Variants in MMP16 observed in about 807,000 individuals in gnomAD.
MMP16 encodes matrix metalloproteinase-16.
Under a neutral mutation model 67.8 loss-of-function variants are expected in MMP16, and 12 were observed. The ratio of observed to expected loss-of-function variants is 0.18; its 90% CI spans 0.11 to 0.29. MMP16 has a LOEUF of 0.29. Ranked by LOEUF, MMP16 falls within the 10% of genes least tolerant of loss-of-function variation. MMP16 has a pLI of 1.00. For synonymous variants in MMP16, 249 were observed against 255.9 expected, an observed-to-expected ratio of 0.97 and a Z score of 0.26; for missense variants, 475 against 765.7, an observed-to-expected ratio of 0.62 and a Z score of 4.48.
At chr8:88,327,043 C>G in intron 1 of MMP16, 32 bp downstream of exon 1, 1 of 1,611,926 alleles carries the variant, frequency 6.2e-7, no homozygotes. Context: ...GCCCAGGCAG[C>G]GGGGGGAGGA....
At chr8:88,297,771 T>C (rs1219811395) in intron 1 of MMP16, among the ~76,000 whole-genome samples, 4 of 152,234 alleles carry the variant, frequency 2.6e-5, no homozygotes, top group Non-Finnish European at 5.9e-5. Flanking sequence ...GTGACTTCAG[T>C]TTCCTCATCT....
intron 1 of MMP16, among the ~76,000 whole-genome samples, chr8:88,230,647 G>A (rs1809845171): frequency 6.6e-6 from 1 of 151,342 alleles, no homozygotes; most frequent in South Asian, 2.1e-4. Context: ...TACAGTGGGT[G>A]GTAGAAAGTC....
intron 8 of MMP16, among the ~76,000 whole-genome samples, chr8:88,050,401 TA>T (rs986237640): frequency 5.9e-5 from 9 of 152,246 alleles, no homozygotes; most frequent in African/African-American, 2.2e-4. Flanking sequence ...GTGATTTAAG[TA>T]ACATTAATAC....
chr8:88,291,080 C>T (rs925209726), intron 1 of MMP16, among the ~76,000 whole-genome samples: 3 of 151,818 alleles, frequency 2.0e-5, no homozygotes, highest in African/African-American at 4.8e-5. Flanking sequence ...CAAGAGTTTG[C>T]GATCAGCCTG....
rs115575942 is a variant in MMP16, at chr8:88,070,942, A to C, written c.1222+3663T>G. On this transcript the variant is annotated intron_variant, in intron 7 of 9. Coordinates refer to ENST00000286614, the MANE Select transcript of MMP16 (RefSeq NM_005941.5). ...CTACCATTATAGTGCACTATTATGTAATATATTACATTATATTCTGATCTA... is the reference window on the plus strand; with the variant it reads ...CTACCATTATAGTGCACTATTATGTCATATATTACATTATATTCTGATCTA... Among the ~76,000 whole-genome samples, 870 of 152,238 alleles carry C rather than the reference A, an allele frequency of 5.7e-3. 6 individuals carry two copies. Among genetic ancestry groups the C allele is most frequent in the African/African-American group, 0.02 (833 of 41,548 alleles).
At chr8:88,200,114 T>C (rs1257533306) in intron 1 of MMP16, among the ~76,000 whole-genome samples, 1 of 151,980 alleles carries the variant, frequency 6.6e-6, no homozygotes, top group African/African-American at 2.4e-5. Context: ...TTAAGATTTG[T>C]CTTTGGGATA....
At chr8:88,101,523 G>A (rs989855673) in intron 6 of MMP16, among the ~76,000 whole-genome samples, 2 of 151,696 alleles carry the variant, frequency 1.3e-5, no homozygotes, top group African/African-American at 4.8e-5. Context: ...AGCTCCTTTG[G>A]GCTTCAGCTC....
At chr8:88,087,953 CCAAA>C (rs150779651) in intron 6 of MMP16, among the ~76,000 whole-genome samples, 9,451 of 147,812 alleles carry the variant, frequency 0.064, 708 homozygotes, top group African/African-American at 0.16. Flanking sequence ...TCCAAAAAAA[CCAAA>C]CAAACAAAAA....
At chr8:88,251,325 C>T (rs1445665130) in intron 1 of MMP16, among the ~76,000 whole-genome samples, 1 of 151,436 alleles carries the variant, frequency 6.6e-6, no homozygotes, top group Non-Finnish European at 1.5e-5. Flanking sequence ...ACAGAGTCCT[C>T]AGAAATAATG....
At chr8:88,139,481 A>G (rs1030624171) in intron 4 of MMP16, among the ~76,000 whole-genome samples, 2 of 152,080 alleles carry the variant, frequency 1.3e-5, no homozygotes, top group Non-Finnish European at 2.9e-5. Flanking sequence ...ATTTGGAAAG[A>G]AAAAAGAGAC....
At chr8:88,082,231 A>C (rs1808763139) in intron 6 of MMP16, among the ~76,000 whole-genome samples, 1 of 152,030 alleles carries the variant, frequency 6.6e-6, no homozygotes, top group African/African-American at 2.4e-5. Flanking sequence ...AGTAAAATGC[A>C]AACTGAAACT....
intron 4 of MMP16, among the ~76,000 whole-genome samples, chr8:88,140,845 C>T (rs1447942467): frequency 6.6e-6 from 1 of 151,910 alleles, no homozygotes; most frequent in African/African-American, 2.4e-5. Context: ...AGACTCTGCG[C>T]TTAAAGAAAT....
intron 1 of MMP16, among the ~76,000 whole-genome samples, chr8:88,217,176 T>C (rs1374971732): frequency 5.3e-5 from 8 of 152,050 alleles, no homozygotes; most frequent in Admixed American, 1.3e-4. Context: ...CTGAAATCAG[T>C]CATTTCTCTA....
At chr8:88,078,470 G>GAT (rs1310964980) in intron 6 of MMP16, among the ~76,000 whole-genome samples, 5 of 152,218 alleles carry the variant, frequency 3.3e-5, no homozygotes, top group African/African-American at 1.2e-4. Flanking sequence ...TTTGTTTGCT[G>GAT]AGAACTATAT....
intron 6 of MMP16, among the ~76,000 whole-genome samples, chr8:88,107,957 T>C (rs890007067): frequency 6.6e-6 from 1 of 151,146 alleles, no homozygotes; most frequent in South Asian, 2.1e-4. Flanking sequence ...TAATAATCCA[T>C]GTAAAGCATA....
chr8:88,192,788 G>T (rs573572724), intron 2 of MMP16, among the ~76,000 whole-genome samples: 1 of 152,190 alleles, frequency 6.6e-6, no homozygotes, highest in East Asian at 1.9e-4. Context: ...TCATTGAAAT[G>T]ACTTGAAAAA....
At position 88,188,454 on chromosome 8, in the gene MMP16, A is replaced by T. The variant is rs551738855; in HGVS notation, c.282-1856T>A. ...CATTTAAGTAAGCAATCTGTGAAAA[A>T]AACCTGAAATGGATAGTTGGGTAAA... On this transcript the variant is annotated intron_variant, in intron 2 of 9. Transcript: ENST00000286614. 3.7e-3 allele frequency among the ~76,000 whole-genome samples: 564 copies of T among 152,330 alleles called. 4 individuals carry two copies. The highest frequency in any genetic ancestry group is 0.013 in the African/African-American group (533 of 41,586).
chr8:88,301,350 A>C (rs528222675), intron 1 of MMP16, among the ~76,000 whole-genome samples: 1 of 152,296 alleles, frequency 6.6e-6, no homozygotes. Flanking sequence ...CTAAAACAGA[A>C]GAACCCCTGA....
At position 88,264,715 on chromosome 8, in the gene MMP16, G is replaced by A. The variant is rs936567815; in HGVS notation, c.132+62360C>T. Among the ~76,000 whole-genome samples, 8 of 152,242 alleles carry A rather than the reference G, an allele frequency of 5.3e-5. 1 individual carries two copies. Among genetic ancestry groups the A allele is most frequent in the Middle Eastern group, 3.4e-3 (1 of 294 alleles). On this transcript the variant is annotated intron_variant, in intron 1 of 9. Transcript: ENST00000286614. Reference sequence around the variant, plus strand: ...CTATGCTCAGAATCCCCTGGGCCTTGGGCACAGCACATACATGATTGCCAT... The same window carrying A: ...CTATGCTCAGAATCCCCTGGGCCTTAGGCACAGCACATACATGATTGCCAT...
Sources: allele counts gnomAD v4.1 joint callset (sites outside exome capture counted in the v4.1 genomes callset), GRCh38; gene constraint gnomAD v4.1.1; transcripts MANE v1.5; gene names NCBI Gene and HGNC (gene_info 2026-07-23, HGNC 2026-07-21).